The following NEGR1 variants were observed in gnomAD, a reference collection of about 807,000 sequenced individuals.
The protein encoded by NEGR1 is IgLON family member 4.
In NEGR1, 10 loss-of-function variants were observed where a neutral mutation model predicts 40.9. The observed-to-expected ratio is 0.24, with a 90% CI of 0.15 to 0.42. The LOEUF (loss-of-function observed/expected upper bound fraction) is 0.42. Ranked by LOEUF, NEGR1 falls within the 10% of genes least tolerant of loss-of-function variation. The pLI is 1.00. For synonymous variants in NEGR1, 185 were observed against 166.8 expected, an observed-to-expected ratio of 1.11 and a Z score of -0.84; for missense variants, 352 against 438.9, an observed-to-expected ratio of 0.80 and a Z score of 1.77.
At chr1:71,408,895 C>T (rs942690872) in intron 6 of NEGR1, 51 of 152,038 alleles carry the variant, frequency 3.4e-4, no homozygotes, top group African/African-American at 1.1e-3. Context: ...GACTATATTG[C>T]TACGTAACAA....
At position 71,696,566 on chromosome 1, in the gene NEGR1, C is replaced by T. The variant is rs868235104; in HGVS notation, c.667+1442G>A. Among the ~76,000 whole-genome samples, 5 of 151,924 alleles carry T rather than the reference C, an allele frequency of 3.3e-5. No homozygotes were observed. The Middle Eastern group carries it at 0.014, about 413-fold the overall frequency. On this transcript the variant is annotated intron_variant, in intron 4 of 6. Transcript: ENST00000357731. The stretch of plus-strand genomic sequence containing the variant: ...TCTCTCTTCCCTCCCCTCCACTTCC[C>T]AAGCCCTCAACCCTCCAACAATAAA...
chr1:71,982,508 T>C (rs1319928758), intron 1 of NEGR1, among the ~76,000 whole-genome samples: 1 of 152,206 alleles, frequency 6.6e-6, no homozygotes, highest in East Asian at 1.9e-4. Flanking sequence ...TTTCAAAATG[T>C]CTGAATTTGT....
At chr1:71,814,352 G>C (rs867922782) in intron 2 of NEGR1, among the ~76,000 whole-genome samples, 6 of 151,980 alleles carry the variant, frequency 3.9e-5, no homozygotes, top group African/African-American at 1.5e-4. Context: ...TGTTCATCAG[G>C]GATATTTGTC....
chr1:71,542,108 C>T (rs1033302599), intron 6 of NEGR1, among the ~76,000 whole-genome samples: 1 of 151,588 alleles, frequency 6.6e-6, no homozygotes, highest in Admixed American at 6.6e-5. Flanking sequence ...AAAAATAAGT[C>T]CTGGTGGTAG....
Position 71,781,353 on chromosome 1 carries a change from T to C in NEGR1, c.410-5056A>G, listed in dbSNP as rs770577927. Among the ~76,000 whole-genome samples the C allele has an allele frequency of 1.3e-5, 2 of 152,168 alleles. 1 individual carries two copies. Among genetic ancestry groups the C allele is most frequent in the South Asian group, 4.1e-4 (2 of 4,830 alleles). ...AACTTGCATGACCTGTGAGGTCAGG[T>C]CACACATGATATTAAAAACCCTTAC... is the stretch of plus-strand genomic sequence containing the variant. On this transcript the variant is annotated intron_variant, in intron 2 of 6. Transcript: ENST00000357731.
rs1645894154 is a variant in NEGR1, at chr1:71,935,266, C to T, written c.222G>A (p.Arg74=). ...CACCTCCCGCAAAAATAATACTTGA[C>T]CGGTTCAGCCAGGCACCCTTTGAAG... ...DGASKGAWLN[R]SSIIFAGGDK... The change falls in exon 2 of 7, where the codon CGG becomes CGA. Residue 74 remains arginine (R), a synonymous_variant. Coordinates refer to ENST00000357731, the MANE Select transcript of NEGR1 (RefSeq NM_173808.3). 1 of 1,613,856 alleles carries T rather than the reference C, an allele frequency of 6.2e-7. No individual in the cohort carries two copies. The highest frequency in any genetic ancestry group is 1.1e-5 in the South Asian group (1 of 91,084).
At chr1:71,832,007 C>A (rs1001261251) in intron 2 of NEGR1, among the ~76,000 whole-genome samples, 1 of 151,700 alleles carries the variant, frequency 6.6e-6, no homozygotes, top group African/African-American at 2.4e-5. Flanking sequence ...TTTAGGAACA[C>A]TGGACTGATG....
At chr1:71,446,998 A>G (rs1646586922) in intron 6 of NEGR1, among the ~76,000 whole-genome samples, 1 of 152,224 alleles carries the variant, frequency 6.6e-6, no homozygotes, top group Non-Finnish European at 1.5e-5. Context: ...TTATTACAGT[A>G]TAAGTTTCCA....
intron 5 of NEGR1, among the ~76,000 whole-genome samples, chr1:71,605,990 G>A (rs1461591179): frequency 6.6e-6 from 1 of 152,144 alleles, no homozygotes; most frequent in Non-Finnish European, 1.5e-5. Flanking sequence ...TTTGAAGATG[G>A]CATCAGATGA....
At chr1:71,612,590 G>A (rs1650297677) in intron 4 of NEGR1, among the ~76,000 whole-genome samples, 1 of 152,084 alleles carries the variant, frequency 6.6e-6, no homozygotes, top group South Asian at 2.1e-4. Context: ...AATGTTAGAA[G>A]GTGATAAACA....
intron 1 of NEGR1, among the ~76,000 whole-genome samples, chr1:71,959,337 T>G (rs886701583): frequency 3.9e-5 from 6 of 152,220 alleles, no homozygotes; most frequent in African/African-American, 1.4e-4. Flanking sequence ...GTCACTGTTT[T>G]GTCAGATGGT....
At chr1:71,645,065 T>G (rs1298936723) in intron 4 of NEGR1, among the ~76,000 whole-genome samples, 2 of 151,984 alleles carry the variant, frequency 1.3e-5, no homozygotes, top group Non-Finnish European at 2.9e-5. Context: ...CAATCTATAT[T>G]AAGGTGTTCT....
At chr1:71,916,514 A>C (rs1156549707) in intron 2 of NEGR1, among the ~76,000 whole-genome samples, 1 of 152,176 alleles carries the variant, frequency 6.6e-6, no homozygotes, top group Non-Finnish European at 1.5e-5. Context: ...ACACTTTGGG[A>C]GGCCGAAGCG....
At chr1:72,064,145 C>T (rs567320151) in intron 1 of NEGR1, among the ~76,000 whole-genome samples, 15 of 151,812 alleles carry the variant, frequency 9.9e-5, no homozygotes, top group South Asian at 6.2e-4. Flanking sequence ...GCTTTTAAGT[C>T]GGATGCAGAG....
intron 1 of NEGR1, among the ~76,000 whole-genome samples, chr1:72,023,253 T>A (rs543440143): frequency 6.6e-6 from 1 of 152,274 alleles, no homozygotes; most frequent in African/African-American, 2.4e-5. Flanking sequence ...GCAGTGGTGA[T>A]TGTGGTGGTA....
intron 2 of NEGR1, chr1:71,794,225 G>T (rs1657233542): frequency 6.6e-6 from 1 of 151,980 alleles, no homozygotes; most frequent in African/African-American, 2.4e-5. Context: ...CTATAAATGT[G>T]ATACAATTAC....
At chr1:71,485,136 T>C (rs556836232) in intron 6 of NEGR1, among the ~76,000 whole-genome samples, 16 of 151,704 alleles carry the variant, frequency 1.1e-4, no homozygotes, top group African/African-American at 3.4e-4. Flanking sequence ...TTAGTCTTTG[T>C]TTAGTTTAGA....
At chr1:71,855,560 C>T (rs541233295) in intron 2 of NEGR1, among the ~76,000 whole-genome samples, 15 of 151,712 alleles carry the variant, frequency 9.9e-5, no homozygotes, top group African/African-American at 2.2e-4. Flanking sequence ...GGTTTCATAC[C>T]GAGACCTGGA....
At chr1:71,600,781 C>T (rs1214391445) in intron 5 of NEGR1, among the ~76,000 whole-genome samples, 4 of 152,142 alleles carry the variant, frequency 2.6e-5, no homozygotes, top group Admixed American at 6.5e-5. Flanking sequence ...GAAGAAACAC[C>T]GACAGGCTTC....
Sources: gnomAD v4.1 joint callset for allele counts (sites outside exome capture counted in the v4.1 genomes callset) on GRCh38, gnomAD v4.1.1 for gene constraint, MANE v1.5 for transcripts, NCBI Gene and HGNC (gene_info 2026-07-23, HGNC 2026-07-21) for gene names.